The following RAVER1 variants were observed in gnomAD, a reference collection of about 807,000 sequenced individuals.
The protein encoded by RAVER1 is ribonucleoprotein, PTB binding 1.
RAVER1 carries 36 observed loss-of-function variants against 68.4 expected under a neutral mutation model. The ratio of observed to expected loss-of-function variants is 0.53; its 90% CI spans 0.40 to 0.70. The LOEUF is 0.70. Among genes scored for constraint, RAVER1 ranks in the 30% least tolerant of loss-of-function variants. RAVER1 has a pLI of 0.00. For synonymous variants in RAVER1, 469 were observed against 472.7 expected, an observed-to-expected ratio of 0.99 and a Z score of 0.10; for missense variants, 933 against 1,019.8, an observed-to-expected ratio of 0.91 and a Z score of 1.16.
intron 1 of RAVER1, among the ~76,000 whole-genome samples, chr19:10,332,506 C>T (rs1308372994): frequency 1.3e-5 from 2 of 152,218 alleles, no homozygotes; most frequent in Admixed American, 1.3e-4. Flanking sequence ...CCACTAGCCA[C>T]GTGCCCACCC....
Position 10,330,538 on chromosome 19 carries a change from C to G in RAVER1, c.220-12G>C. On this transcript the variant is annotated splice_polypyrimidine_tract_variant and intron_variant, in intron 1 of 12. Coordinates refer to ENST00000617231, the MANE Select transcript of RAVER1 (RefSeq NM_133452.3). ...AGGTCATGTACTTCCTGTGGAGATACAAGACAAAAGACAGGGAGTTACTGG... is the reference window on the plus strand; with the variant it reads ...AGGTCATGTACTTCCTGTGGAGATAGAAGACAAAAGACAGGGAGTTACTGG... The G allele has an allele frequency of 7.2e-7, 1 of 1,385,138 alleles. No individual in the cohort carries two copies. The highest frequency in any genetic ancestry group is 1.0e-6 in the Non-Finnish European group (1 of 991,610). The allele number at this position is 1,385,138 out of a possible 1,614,324, so 85.8% of individuals were successfully genotyped here. A position where few individuals can be genotyped will look rare whatever the true frequency, so the allele number is the denominator to read the frequency against.
In RAVER1 at chr19:10,328,302, G is replaced by A. The variant is rs868112192; in HGVS notation, c.756+340C>T. On this transcript the variant is annotated intron_variant, in intron 3 of 12. Transcript: ENST00000617231. This position sits in a 1 kb window ranked among gnomAD's most constrained non-coding sequence, Gnocchi z 4.4. ...CCCCTGGCCAGGTGTGGTGGCTCAC[G>A]CATGTAATCCCAGCACTTTGGGAGG... Among the ~76,000 whole-genome samples the A allele has an allele frequency of 6.6e-6, 1 of 152,178 alleles. No individual in the cohort carries two copies. The highest frequency in any genetic ancestry group is 1.5e-5 in the Non-Finnish European group (1 of 68,026).
At chr19:10,327,636 C>T (rs2040484456) in intron 3 of RAVER1, among the ~76,000 whole-genome samples, 1 of 152,176 alleles carries the variant, frequency 6.6e-6, no homozygotes, top group Non-Finnish European at 1.5e-5. Context: ...CTGATCCCAG[C>T]TCTGCCAGAC....
chr19:10,317,737 G>T lies in RAVER1; in HGVS notation c.2026C>A (p.Leu676Ile). The change falls in exon 12 of 13, where the codon CTC becomes ATC. Residue 676 changes from leucine (L) to isoleucine (I), a missense_variant. Coordinates refer to ENST00000617231, the MANE Select transcript of RAVER1 (RefSeq NM_133452.3). The surrounding 1 kb of genome is among the most constrained non-coding windows in gnomAD (Gnocchi z 4.3). ...GSSPLGSGEG[L>I]LGLSPGPNGH... Reference sequence around the variant, plus strand: ...TTAGGCCCGGGGCTGAGGCCCAGGAGCCCTTCTCCGGACCCCAGCGGGGAA... The same window carrying T: ...TTAGGCCCGGGGCTGAGGCCCAGGATCCCTTCTCCGGACCCCAGCGGGGAA... 6.3e-7 allele frequency: 1 copy of T among 1,597,112 alleles called. No individual in the cohort carries two copies. Among genetic ancestry groups the T allele is most frequent in the Non-Finnish European group, 8.5e-7 (1 of 1,172,858 alleles).
intron 3 of RAVER1, among the ~76,000 whole-genome samples, chr19:10,324,104 A>G (rs2040458489): frequency 6.6e-6 from 1 of 150,842 alleles, no homozygotes; most frequent in African/African-American, 2.4e-5. Context: ...CGGTGGGCCG[A>G]GATCGCGCCA....
chr19:10,323,001 C>A lies in RAVER1; in HGVS notation c.1078+144G>T. ...GCCCCCAGTTGTGGACAGCAGCAGC[C>A]CCCGCTATGACTCCATACTCCCCCT... On this transcript the variant is annotated intron_variant, in intron 5 of 12. Coordinates refer to ENST00000617231, the MANE Select transcript of RAVER1 (RefSeq NM_133452.3). The surrounding 1 kb of genome is among the most constrained non-coding windows in gnomAD (Gnocchi z 6.2). 1 of 722,896 alleles carries A rather than the reference C, an allele frequency of 1.4e-6. No homozygotes were observed. Among genetic ancestry groups the A allele is most frequent in the South Asian group, 2.1e-5 (1 of 48,746 alleles). 44.8% of individuals were successfully genotyped at this position (722,896 alleles called of 1,614,324 possible).
In RAVER1 at chr19:10,321,047, C is replaced by CA; in HGVS notation, c.1473_1473+1insT (p.Val492CysfsTer33). On this transcript the variant is annotated frameshift_variant and splice_region_variant. Coordinates refer to ENST00000617231, the MANE Select transcript of RAVER1 (RefSeq NM_133452.3). LOFTEE classifies it high-confidence loss of function. Reference sequence around the variant, plus strand: ...GTGCCGCGCGCAGGGCAGGGCCTTACCCCAGGGGGCGTCGGCAGAGGCCCA... The same window carrying CA: ...GTGCCGCGCGCAGGGCAGGGCCTTACACCCAGGGGGCGTCGGCAGAGGCCCA... 1.4e-6 allele frequency: 2 copies of CA among 1,406,208 alleles called. No individual in the cohort carries two copies. The highest frequency in any genetic ancestry group is 3.3e-5 in the Admixed American group (1 of 30,064). 87.1% of individuals were successfully genotyped at this position (1,406,208 alleles called of 1,614,324 possible). A position where few individuals can be genotyped will look rare whatever the true frequency, so the allele number is the denominator to read the frequency against.
chr19:10,320,504 TAAAAAAA>T, intron 9 of RAVER1, 144 bp downstream of exon 9: 5 of 473,914 alleles, frequency 1.1e-5, no homozygotes, highest in Admixed American at 6.1e-5. Context: ...ACCCTGTCTC[TAAAAAAA>T]AAAAAAAAAA....
In RAVER1 at chr19:10,328,154, C is replaced by T. The variant is rs760823825; in HGVS notation, c.756+488G>A. On this transcript the variant is annotated intron_variant, in intron 3 of 12. Coordinates refer to ENST00000617231, the MANE Select transcript of RAVER1 (RefSeq NM_133452.3). The surrounding 1 kb of genome is among the most constrained non-coding windows in gnomAD (Gnocchi z 4.4). ...GTCTGGGACCCCATGGGAGGTTTGA[C>T]GAGGGTACCAGCGAATGAGGAGGTG... is the stretch of plus-strand genomic sequence containing the variant. Among the ~76,000 whole-genome samples, 7 of 152,226 alleles carry T rather than the reference C, an allele frequency of 4.6e-5. No homozygotes were observed. The highest frequency in any genetic ancestry group is 1.3e-4 in the Admixed American group (2 of 15,270).
intron 1 of RAVER1, among the ~76,000 whole-genome samples, chr19:10,330,747 C>A (rs2040509082): frequency 6.6e-6 from 1 of 152,224 alleles, no homozygotes; most frequent in South Asian, 2.1e-4. Flanking sequence ...TGCTATTACC[C>A]AGGCAACATG....
In RAVER1 at chr19:10,317,755, G is replaced by T; in HGVS notation, c.2008C>A (p.Leu670Met). The change falls in exon 12 of 13, where the codon CTG becomes ATG. Residue 670 changes from leucine (L) to methionine (M), a missense_variant. Transcript: ENST00000617231. This position sits in a 1 kb window ranked among gnomAD's most constrained non-coding sequence, Gnocchi z 4.3. ...HLSKAIGSSPLGSGEGLLGLS... is the reference protein window; with the variant it reads ...HLSKAIGSSPMGSGEGLLGLS... ...CCCAGGAGCCCTTCTCCGGACCCCA[G>T]CGGGGAAGAGCCGATTGCCTGGGAG... The T allele has an allele frequency of 6.3e-7, 1 of 1,589,498 alleles. No individual in the cohort carries two copies. Among genetic ancestry groups the T allele is most frequent in the Non-Finnish European group, 8.6e-7 (1 of 1,167,544 alleles).
rs185843003 is a variant in RAVER1 at position 10,324,627 on chromosome 19, C to T, written c.757-1061G>A. Among the ~76,000 whole-genome samples the T allele has an allele frequency of 4.8e-3, 725 of 152,300 alleles. 6 individuals carry two copies. The highest frequency in any genetic ancestry group is 0.017 in the African/African-American group (697 of 41,576). Reference sequence around the variant, plus strand: ...CTCCTGACCTCAAGCGATCCGCCTGCCTTGGCCTCCCAAAGTGCTGGATTA... The same window carrying T: ...CTCCTGACCTCAAGCGATCCGCCTGTCTTGGCCTCCCAAAGTGCTGGATTA... On this transcript the variant is annotated intron_variant, in intron 3 of 12. Transcript: ENST00000617231.
Position 10,323,491 on chromosome 19 carries a change from C to T in RAVER1, c.832G>A (p.Ala278Thr). Residue 278 changes from alanine (A) to threonine (T), a missense_variant, in exon 4 of 13, where the codon GCA (alanine) becomes ACA (threonine). Around this residue, in one of 3 missense-constraint regions of RAVER1, gnomAD observed 699 missense variants for 731.1 expected, o/e 0.96. Coordinates refer to ENST00000617231, the MANE Select transcript of RAVER1 (RefSeq NM_133452.3). This position sits in a 1 kb window ranked among gnomAD's most constrained non-coding sequence, Gnocchi z 6.2. ...GACAGGCCGTCCGCCTGCTGCTGTGCCTCCTCCGCCATCTCAGCCGTCTCA... is the reference window on the plus strand; with the variant it reads ...GACAGGCCGTCCGCCTGCTGCTGTGTCTCCTCCGCCATCTCAGCCGTCTCA... ...EYETAEMAEEAQQQADGLSLG... is the reference protein window; with the variant it reads ...EYETAEMAEETQQQADGLSLG... 1 of 1,609,450 alleles carries T rather than the reference C, an allele frequency of 6.2e-7. No homozygotes were observed.
intron 3 of RAVER1, among the ~76,000 whole-genome samples, chr19:10,325,923 T>C (rs987850367): frequency 1.6e-4 from 25 of 152,042 alleles, no homozygotes; most frequent in Non-Finnish European, 3.1e-4. Context: ...AGAGTACCTG[T>C]AGCTGGTCAT....
At chr19:10,320,554 C>T (rs1315873238) in intron 9 of RAVER1, 101 bp downstream of exon 9, 9 of 1,103,302 alleles carry the variant, frequency 8.2e-6, no homozygotes, top group Middle Eastern at 2.1e-4. Flanking sequence ...CGTTCCCTGC[C>T]GCCTCCCTAG....
In RAVER1 at chr19:10,317,854, C is replaced by T; in HGVS notation, c.1990-81G>A. On this transcript the variant is annotated intron_variant, in intron 11 of 12. Transcript: ENST00000617231. This position sits in a 1 kb window ranked among gnomAD's most constrained non-coding sequence, Gnocchi z 4.3. The stretch of plus-strand genomic sequence containing the variant: ...CACCCCGCCCCCCTGCCACTGCCCC[C>T]CAGCCCTGAGGGAAAGCGAACAGTT... 1.2e-6 allele frequency: 1 copy of T among 821,086 alleles called. No individual in the cohort carries two copies. Among genetic ancestry groups the T allele is most frequent in the Non-Finnish European group, 2.0e-6 (1 of 489,444 alleles). 50.9% of individuals were successfully genotyped at this position (821,086 alleles called of 1,614,324 possible). A position where few individuals can be genotyped will look rare whatever the true frequency, so the allele number is the denominator to read the frequency against.
rs111463178 is a variant in RAVER1 at position 10,328,424 on chromosome 19, C to T, written c.756+218G>A. Among the ~76,000 whole-genome samples the T allele has an allele frequency of 4.6e-5, 7 of 152,220 alleles. No individual in the cohort carries two copies. Among genetic ancestry groups the T allele is most frequent in the Non-Finnish European group, 8.8e-5 (6 of 68,014 alleles). ...AAATTATCCAGGCATGGGGGCGGGG[C>T]GCCTATAATCCCAGCTACTCTGGAG... On this transcript the variant is annotated intron_variant, in intron 3 of 12. Transcript: ENST00000617231. This position sits in a 1 kb window ranked among gnomAD's most constrained non-coding sequence, Gnocchi z 4.4.
rs756505663 is a variant in RAVER1, at chr19:10,323,354, C to T, written c.948+21G>A. The stretch of plus-strand genomic sequence containing the variant: ...TGGGGCTCCCATCCCCACCCCGCCA[C>T]CTCTGCCCGCACAGGCTCACCGTGG... On this transcript the variant is annotated intron_variant, in intron 4 of 12. Transcript: ENST00000617231. This position sits in a 1 kb window ranked among gnomAD's most constrained non-coding sequence, Gnocchi z 6.2. 6.2e-7 allele frequency: 1 copy of T among 1,606,948 alleles called. No individual in the cohort carries two copies. Among genetic ancestry groups the T allele is most frequent in the Non-Finnish European group, 8.5e-7 (1 of 1,176,750 alleles).
At chr19:10,320,504 TAAAA>T (rs773652670) in intron 9 of RAVER1, 147 bp downstream of exon 9, 1,415 of 470,278 alleles carry the variant, frequency 3.0e-3, no homozygotes, top group Middle Eastern at 4.2e-3. Flanking sequence ...ACCCTGTCTC[TAAAA>T]AAAAAAAAAA....
Sources: gnomAD v4.1 joint callset for allele counts (sites outside exome capture counted in the v4.1 genomes callset) on GRCh38, gnomAD v4.1.1 for gene constraint, gnomAD v4.1.1 regional missense constraint, Gnocchi (gnomAD v3.1) non-coding constraint, MANE v1.5 for transcripts, NCBI Gene and HGNC (gene_info 2026-07-23, HGNC 2026-07-21) for gene names.